The following CCDC102B variants were observed in gnomAD, a reference collection of about 807,000 sequenced individuals.
CCDC102B encodes the protein coiled-coil domain-containing protein 102B.
A neutral mutation model predicts 57.4 loss-of-function variants in CCDC102B; 75 were observed. That is an observed-to-expected ratio of 1.31 (90% CI 1.08 to 1.58). CCDC102B has a LOEUF of 1.58. CCDC102B is among the 40% of genes most tolerant of loss of function. The pLI, the probability that CCDC102B is intolerant of heterozygous loss-of-function variation, is 0.00. For missense variants in CCDC102B, 636 were observed against 582.6 expected (o/e 1.09, Z -0.94); for synonymous variants, 206 against 201.9 (o/e 1.02, Z -0.17).
chr18:68,773,412 T>C (rs915370857), intron 2 of CCDC102B, among the ~76,000 whole-genome samples: 2 of 151,990 alleles, frequency 1.3e-5, no homozygotes, highest in African/African-American at 4.8e-5. Flanking sequence ...TAAAATGAAG[T>C]TTTTAAAAAG....
chr18:68,795,552 A>T (rs1433763104), upstream of CCDC102B, among the ~76,000 whole-genome samples: 1 of 151,994 alleles, frequency 6.6e-6, no homozygotes, highest in East Asian at 1.9e-4. Flanking sequence ...AATTTTGGTG[A>T]TGGTTGGCAA....
intron 7 of CCDC102B, among the ~76,000 whole-genome samples, chr18:69,021,520 G>A (rs1417992753): frequency 6.6e-6 from 1 of 152,090 alleles, no homozygotes; most frequent in Non-Finnish European, 1.5e-5. Flanking sequence ...ATTAGGTGTT[G>A]GAATATACAT....
chr18:68,853,026 C>A (rs2038204003), intron 4 of CCDC102B, among the ~76,000 whole-genome samples: 1 of 152,128 alleles, frequency 6.6e-6, no homozygotes, highest in Non-Finnish European at 1.5e-5. Context: ...TTGTTAATAT[C>A]TCTGTCTGTT....
At chr18:68,988,324 A>G (rs185739097) in intron 6 of CCDC102B, among the ~76,000 whole-genome samples, 1 of 152,158 alleles carries the variant, frequency 6.6e-6, no homozygotes. Flanking sequence ...GATCTCACTT[A>G]TAAGTGGGAG....
intron 4 of CCDC102B, among the ~76,000 whole-genome samples, chr18:68,861,291 T>A (rs1396579159): frequency 1.2e-5 from 1 of 84,528 alleles, no homozygotes; most frequent in Non-Finnish European, 2.3e-5. Flanking sequence ...CTGGAGCAGT[T>A]TAAATGTTTT....
At chr18:69,009,610 A>C (rs2051446503) in intron 6 of CCDC102B, among the ~76,000 whole-genome samples, 1 of 152,214 alleles carries the variant, frequency 6.6e-6, no homozygotes, top group South Asian at 2.1e-4. Flanking sequence ...CTACGTGATG[A>C]CTAAAAGAAA....
intron 6 of CCDC102B, among the ~76,000 whole-genome samples, chr18:68,930,809 G>A (rs2041645868): frequency 6.6e-6 from 1 of 151,860 alleles, no homozygotes; most frequent in Non-Finnish European, 1.5e-5. Flanking sequence ...GTTACTTAAG[G>A]ATATTATAGT....
intron 6 of CCDC102B, chr18:68,993,018 C>A: frequency 6.4e-6 from 1 of 156,864 alleles, no homozygotes; most frequent in South Asian, 1.7e-4. Context: ...GTGACCCTGT[C>A]TCCAGCTGTC....
At chr18:68,980,075 C>T (rs1052936546) in intron 6 of CCDC102B, among the ~76,000 whole-genome samples, 65 of 151,806 alleles carry the variant, frequency 4.3e-4, no homozygotes, top group African/African-American at 1.5e-3. Flanking sequence ...TCAGAGTGTC[C>T]AGGGCAGTTG....
chr18:68,879,654 T>C (rs1011379410), intron 5 of CCDC102B, among the ~76,000 whole-genome samples: 3 of 152,098 alleles, frequency 2.0e-5, no homozygotes, highest in Admixed American at 6.5e-5. Flanking sequence ...AGGGCGCTGA[T>C]TGGTGTATTT....
At chr18:68,851,106 T>A (rs1477656686) in intron 4 of CCDC102B, among the ~76,000 whole-genome samples, 3 of 152,240 alleles carry the variant, frequency 2.0e-5, no homozygotes, top group African/African-American at 4.8e-5. Context: ...TAAATATGCT[T>A]AATATTTGTG....
chr18:68,837,732 A>T (rs2037446625), intron 2 of CCDC102B, among the ~76,000 whole-genome samples: 1 of 151,926 alleles, frequency 6.6e-6, no homozygotes, highest in Non-Finnish European at 1.5e-5. Flanking sequence ...AATTTAACTA[A>T]ATCACCTCCC....
chr18:68,865,569 G>A (rs1372124078), intron 4 of CCDC102B, among the ~76,000 whole-genome samples: 1 of 152,072 alleles, frequency 6.6e-6, no homozygotes, highest in Non-Finnish European at 1.5e-5. Context: ...ATCTGCCTAA[G>A]GAAGTACTTT....
chr18:69,031,319 G>A (rs1049383387), intron 7 of CCDC102B, among the ~76,000 whole-genome samples: 1 of 152,064 alleles, frequency 6.6e-6, no homozygotes, highest in African/African-American at 2.4e-5. Context: ...TCCTTTGTGG[G>A]AAATTAAGCA....
At chr18:68,941,549 CA>C (rs2049380720) in intron 6 of CCDC102B, among the ~76,000 whole-genome samples, 1 of 152,048 alleles carries the variant, frequency 6.6e-6, no homozygotes, top group African/African-American at 2.4e-5. Context: ...CACAAGGTGG[CA>C]AAACTTCTTC....
chr18:69,016,026 CTTTTT>C (rs68178005), intron 7 of CCDC102B, among the ~76,000 whole-genome samples: 1 of 128,960 alleles, frequency 7.8e-6, no homozygotes. Context: ...GGCTAATTTT[CTTTTT>C]TTTTTTTTTT....
At chr18:68,773,473 G>A (rs944705655) in intron 2 of CCDC102B, among the ~76,000 whole-genome samples, 6 of 151,800 alleles carry the variant, frequency 4.0e-5, no homozygotes, top group African/African-American at 9.7e-5. Context: ...TTTACTGTAC[G>A]TACTGGAATT....
At chr18:68,756,628 G>C (rs964154364) in intron 2 of CCDC102B, among the ~76,000 whole-genome samples, 1 of 152,130 alleles carries the variant, frequency 6.6e-6, no homozygotes, top group Non-Finnish European at 1.5e-5. Flanking sequence ...AAATGGCTCT[G>C]CTTGGGGTTT....
chr18:68,838,940 A>G lies in CCDC102B; in HGVS notation c.827+14A>G. On this transcript the variant is annotated intron_variant, in intron 3 of 7. Coordinates refer to ENST00000360242, the MANE Select transcript of CCDC102B (RefSeq NM_024781.3). ...GAAGGAAAGAGAGTAAGTGCTAATC[A>G]TTGTCTCCCTTAACCAAGTCTAAGT... 6.3e-7 allele frequency: 1 copy of G among 1,597,074 alleles called. No individual in the cohort carries two copies. The highest frequency in any genetic ancestry group is 8.6e-7 in the Non-Finnish European group (1 of 1,165,188).
Sources: allele counts gnomAD v4.1 joint callset (sites outside exome capture counted in the v4.1 genomes callset), GRCh38; gene constraint gnomAD v4.1.1; transcripts MANE v1.5; gene names NCBI Gene and HGNC (gene_info 2026-07-23, HGNC 2026-07-21).